Variants in PPM1E observed in about 807,000 individuals in gnomAD.
PPM1E encodes protein phosphatase, Mg2+/Mn2+ dependent 1E.
A neutral mutation model predicts 65.9 loss-of-function variants in PPM1E; 20 were observed. The observed-to-expected ratio is 0.30, with a 90% CI of 0.21 to 0.44. PPM1E has a LOEUF of 0.44. Among genes scored for constraint, PPM1E ranks in the 20% least tolerant of loss-of-function variants. The probability of loss-of-function intolerance (pLI) is 1.00; values close to 1 mark genes in which losing one functional copy is unlikely to be tolerated. For missense variants in PPM1E, 713 were observed against 953.1 expected, an observed-to-expected ratio of 0.75 and a Z score of 3.32; for synonymous variants, 352 against 374.9, an observed-to-expected ratio of 0.94 and a Z score of 0.70.
intron 1 of PPM1E, among the ~76,000 whole-genome samples, chr17:58,811,332 T>G (rs1460993730): frequency 6.6e-6 from 1 of 152,194 alleles, no homozygotes; most frequent in Non-Finnish European, 1.5e-5. Context: ...ATTTAATTCA[T>G]TAGGGAAAAA....
At chr17:58,846,962 C>G (rs2050777993) in intron 1 of PPM1E, among the ~76,000 whole-genome samples, 1 of 152,168 alleles carries the variant, frequency 6.6e-6, no homozygotes, top group Non-Finnish European at 1.5e-5. Context: ...GATTGCCATT[C>G]TAACTGGTGT....
chr17:58,916,212 C>T (rs1184343672), intron 1 of PPM1E, among the ~76,000 whole-genome samples: 1 of 152,146 alleles, frequency 6.6e-6, no homozygotes, highest in Non-Finnish European at 1.5e-5. Context: ...AACAAGTAAG[C>T]TGCTATTAGC....
At chr17:58,773,084 T>G (rs2049956882) in intron 1 of PPM1E, among the ~76,000 whole-genome samples, 1 of 152,084 alleles carries the variant, frequency 6.6e-6, no homozygotes. Flanking sequence ...TCAACTATGC[T>G]TAAATCCTAT....
chr17:58,969,801 C>A, intron 4 of PPM1E, 74 bp downstream of exon 4: 2 of 1,384,572 alleles, frequency 1.4e-6, no homozygotes, highest in Non-Finnish European at 2.0e-6. Context: ...GGTTAAAGGG[C>A]TATTTAGATT....
intron 2 of PPM1E, among the ~76,000 whole-genome samples, chr17:58,957,182 A>C (rs2029888470): frequency 6.6e-6 from 1 of 152,170 alleles, no homozygotes; most frequent in African/African-American, 2.4e-5. Context: ...ACTGATGAGT[A>C]ATTTACAGCT....
At chr17:58,935,945 A>G (rs2143584612) in intron 1 of PPM1E, among the ~76,000 whole-genome samples, 1 of 151,686 alleles carries the variant, frequency 6.6e-6, no homozygotes, top group Middle Eastern at 3.4e-3. Flanking sequence ...AGCATTAGGT[A>G]TATCTCCTAA....
intron 1 of PPM1E, among the ~76,000 whole-genome samples, chr17:58,776,054 A>G (rs1411075879): frequency 1.3e-5 from 2 of 151,670 alleles, no homozygotes; most frequent in Non-Finnish European, 2.9e-5. Context: ...TAAAAAATAA[A>G]GGCCAGACAT....
At chr17:58,884,530 T>G (rs2051243378) in intron 1 of PPM1E, among the ~76,000 whole-genome samples, 1 of 152,220 alleles carries the variant, frequency 6.6e-6, no homozygotes, top group Non-Finnish European at 1.5e-5. Context: ...TTAATTTTTG[T>G]CTTAGTAGGG....
At chr17:58,833,741 T>C (rs185845030) in intron 1 of PPM1E, among the ~76,000 whole-genome samples, 2 of 152,202 alleles carry the variant, frequency 1.3e-5, no homozygotes, top group African/African-American at 4.8e-5. Context: ...TTTGGGTATA[T>C]ACCCAGTATG....
chr17:58,828,090 G>C (rs1374404186), intron 1 of PPM1E, among the ~76,000 whole-genome samples: 1 of 151,514 alleles, frequency 6.6e-6, no homozygotes, highest in African/African-American at 2.4e-5. Context: ...GTGATGGCAG[G>C]TGCCTGTAAT....
At chr17:58,806,236 G>T (rs1159562099) in intron 1 of PPM1E, among the ~76,000 whole-genome samples, 3 of 151,866 alleles carry the variant, frequency 2.0e-5, no homozygotes, top group Non-Finnish European at 4.4e-5. Flanking sequence ...TGACTCCAAA[G>T]TCTATGTTTT....
At chr17:58,916,836 A>G (rs1234907612) in intron 1 of PPM1E, among the ~76,000 whole-genome samples, 1 of 152,172 alleles carries the variant, frequency 6.6e-6, no homozygotes, top group African/African-American at 2.4e-5. Flanking sequence ...CCATTTGTAA[A>G]CATAAAGTAC....
chr17:58,876,928 C>T lies in PPM1E; in HGVS notation c.465-78721C>T, dbSNP rs1404423352. Reference sequence around the variant, plus strand: ...CCTCCCGAGTAGCTGGGACTACAGGCACCCGCCACCACGCCCAGCTAATTT... The same window carrying T: ...CCTCCCGAGTAGCTGGGACTACAGGTACCCGCCACCACGCCCAGCTAATTT... On this transcript the variant is annotated intron_variant, in intron 1 of 6. Transcript: ENST00000308249. Among the ~76,000 whole-genome samples the T allele has an allele frequency of 2.6e-5, 4 of 151,880 alleles. No homozygotes were observed. In the East Asian group the frequency reaches 5.8e-4, roughly 22 times the overall value.
At chr17:58,825,497 A>C (rs1051624150) in intron 1 of PPM1E, among the ~76,000 whole-genome samples, 2 of 152,150 alleles carry the variant, frequency 1.3e-5, no homozygotes, top group Non-Finnish European at 2.9e-5. Flanking sequence ...GCTTTGTGTT[A>C]ACATTGGTGT....
At chr17:58,928,417 G>A (rs2051851007) in intron 1 of PPM1E, among the ~76,000 whole-genome samples, 2 of 151,798 alleles carry the variant, frequency 1.3e-5, no homozygotes, top group Admixed American at 1.3e-4. Context: ...TCTTAGAGAA[G>A]GTATTTGGTT....
chr17:58,869,398 G>A (rs1317555751), intron 1 of PPM1E, among the ~76,000 whole-genome samples: 2 of 152,126 alleles, frequency 1.3e-5, no homozygotes, highest in Non-Finnish European at 2.9e-5. Context: ...CAGATCATTT[G>A]TGAGTGGCTT....
intron 1 of PPM1E, among the ~76,000 whole-genome samples, chr17:58,908,153 C>G: frequency 6.6e-6 from 1 of 151,906 alleles, no homozygotes; most frequent in East Asian, 1.9e-4. Flanking sequence ...ACGATCTCAG[C>G]TCACTGCAAC....
chr17:58,861,119 G>A (rs1162303782), intron 1 of PPM1E, among the ~76,000 whole-genome samples: 3 of 152,264 alleles, frequency 2.0e-5, no homozygotes, highest in Admixed American at 2.0e-4. Context: ...CTTCTATTCA[G>A]TCTTGTCCTT....
At chr17:58,827,182 G>C (rs2080899605) in intron 1 of PPM1E, among the ~76,000 whole-genome samples, 2 of 146,066 alleles carry the variant, frequency 1.4e-5, no homozygotes, top group Admixed American at 7.1e-5. Flanking sequence ...CTGTCACCCA[G>C]GCTGGAGTGC....
Sources: gnomAD v4.1 joint callset for allele counts (sites outside exome capture counted in the v4.1 genomes callset) on GRCh38, gnomAD v4.1.1 for gene constraint, MANE v1.5 for transcripts, NCBI Gene and HGNC (gene_info 2026-07-23, HGNC 2026-07-21) for gene names.